WDR7: variants seen among roughly 807,000 people sequenced by gnomAD.
WDR7 encodes WD repeat domain 7.
A neutral mutation model predicts 169.4 loss-of-function variants in WDR7; 46 were observed. The observed-to-expected ratio is 0.27, with a 90% CI of 0.21 to 0.35. The LOEUF is 0.35. WDR7 is among the 10% of genes least tolerant of loss of function. The pLI, the probability that WDR7 is intolerant of heterozygous loss-of-function variation, is 1.00. For missense variants in WDR7, 1,534 were observed against 1,859.3 expected, an observed-to-expected ratio of 0.83 and a Z score of 3.22; for synonymous variants, 612 against 666.8, an observed-to-expected ratio of 0.92 and a Z score of 1.27.
chr18:56,998,291 A>T (rs1358330826), intron 26 of WDR7, among the ~76,000 whole-genome samples: 1 of 152,150 alleles, frequency 6.6e-6, no homozygotes. Flanking sequence ...CAGGATTTTC[A>T]CTGGGCATCA....
At chr18:57,010,908 A>G (rs1038096345) in intron 26 of WDR7, among the ~76,000 whole-genome samples, 11 of 152,122 alleles carry the variant, frequency 7.2e-5, no homozygotes, top group Non-Finnish European at 5.9e-5. Context: ...ATCAGTACCT[A>G]TTTTTTAGAG....
chr18:56,848,896 T>C (rs1192468841), intron 20 of WDR7, among the ~76,000 whole-genome samples: 3 of 152,182 alleles, frequency 2.0e-5, no homozygotes, highest in Admixed American at 6.5e-5. Flanking sequence ...TAAATCTCTT[T>C]TCTTCATAAA....
At chr18:56,851,031 T>G (rs1330743656) in intron 20 of WDR7, among the ~76,000 whole-genome samples, 2 of 152,168 alleles carry the variant, frequency 1.3e-5, no homozygotes, top group Admixed American at 1.3e-4. Context: ...GTTTAACCAC[T>G]TCAGGGTTCT....
At chr18:56,815,050 G>A (rs74555553) in intron 19 of WDR7, among the ~76,000 whole-genome samples, 3,105 of 152,182 alleles carry the variant, frequency 0.02, 87 homozygotes, top group East Asian at 0.12. Context: ...TTGGTTAACC[G>A]GAGGTAGCAA....
At chr18:56,978,817 T>A (rs2047602418) in intron 26 of WDR7, among the ~76,000 whole-genome samples, 1 of 152,202 alleles carries the variant, frequency 6.6e-6, no homozygotes, top group Non-Finnish European at 1.5e-5. Context: ...CACAGGTATC[T>A]ACGTTTCTAT....
At chr18:56,741,351 T>G (rs982163190) in intron 14 of WDR7, among the ~76,000 whole-genome samples, 4 of 152,118 alleles carry the variant, frequency 2.6e-5, no homozygotes, top group African/African-American at 9.7e-5. Context: ...AAAATAATCT[T>G]TTGTCATTTT....
intron 12 of WDR7, among the ~76,000 whole-genome samples, chr18:56,705,940 G>A (rs1014723376): frequency 2.0e-5 from 3 of 152,242 alleles, no homozygotes; most frequent in African/African-American, 7.2e-5. Context: ...GGAGGTTGCA[G>A]TGAGCTGAGA....
intron 21 of WDR7, among the ~76,000 whole-genome samples, chr18:56,902,318 GTCAA>G (rs1257511779): frequency 2.0e-5 from 3 of 152,126 alleles, no homozygotes; most frequent in African/African-American, 7.2e-5. Flanking sequence ...CCTATCTTTT[GTCAA>G]TCAAGTTAAT....
rs78689708 is a variant in WDR7, at chr18:56,977,907, A to G, written c.4164+15378A>G. Among the ~76,000 whole-genome samples the G allele has an allele frequency of 7.4e-3, 1,128 of 152,302 alleles. 10 individuals carry two copies. The highest frequency in any genetic ancestry group is 0.014 in the Middle Eastern group (4 of 294). Reference sequence around the variant, plus strand: ...ATGGCATTGTTACTGTGTTGCTGTAATTTATGTAAATGCGTTGTCAGAGAT... The same window carrying G: ...ATGGCATTGTTACTGTGTTGCTGTAGTTTATGTAAATGCGTTGTCAGAGAT... On this transcript the variant is annotated intron_variant, in intron 26 of 27. Coordinates refer to ENST00000254442, the MANE Select transcript of WDR7 (RefSeq NM_015285.3).
chr18:56,894,215 G>A (rs544417360), intron 21 of WDR7, among the ~76,000 whole-genome samples: 7 of 152,036 alleles, frequency 4.6e-5, no homozygotes, highest in East Asian at 1.9e-4. Context: ...CTGCCTCACC[G>A]TTTTTCCCTT....
intron 20 of WDR7, among the ~76,000 whole-genome samples, chr18:56,868,823 A>C (rs768906209): frequency 6.6e-6 from 1 of 152,156 alleles, no homozygotes; most frequent in Non-Finnish European, 1.5e-5. Flanking sequence ...TTGAAAGGTC[A>C]ATTGAAGCAA....
chr18:57,020,885 C>G (rs1396297054), intron 27 of WDR7, 36 bp downstream of exon 27: 5 of 1,578,202 alleles, frequency 3.2e-6, no homozygotes, highest in Non-Finnish European at 4.4e-6. Flanking sequence ...AAAGCATATA[C>G]TGCGTGATAT....
At chr18:57,004,859 A>T (rs1320692852) in intron 26 of WDR7, among the ~76,000 whole-genome samples, 2 of 152,190 alleles carry the variant, frequency 1.3e-5, no homozygotes, top group Non-Finnish European at 2.9e-5. Context: ...TGGAACAGGA[A>T]GTATGAGTCA....
intron 26 of WDR7, among the ~76,000 whole-genome samples, chr18:57,004,715 A>G (rs2074177562): frequency 6.6e-6 from 1 of 152,198 alleles, no homozygotes; most frequent in South Asian, 2.1e-4. Flanking sequence ...GATTTCTTGT[A>G]TTTAAAGTTA....
At chr18:56,761,311 A>G (rs770923033) in intron 16 of WDR7, among the ~76,000 whole-genome samples, 9 of 152,212 alleles carry the variant, frequency 5.9e-5, no homozygotes, top group Non-Finnish European at 7.3e-5. Flanking sequence ...CATCTGGCCA[A>G]TAAAATTTCT....
At chr18:56,710,483 A>C (rs1159013757) in intron 12 of WDR7, among the ~76,000 whole-genome samples, 1 of 152,202 alleles carries the variant, frequency 6.6e-6, no homozygotes, top group Non-Finnish European at 1.5e-5. Flanking sequence ...TTGTGTGAGC[A>C]TACCATATTT....
chr18:57,032,821 A>ATATATATATATG (rs1423806300), downstream of WDR7: 1 of 95,006 alleles, frequency 1.1e-5, no homozygotes, highest in African/African-American at 6.8e-5. Context: ...ATATATATAT[A>ATATATATATATG]TATATATATA....
chr18:56,985,942 G>A (rs973332609), intron 26 of WDR7, among the ~76,000 whole-genome samples: 2 of 152,016 alleles, frequency 1.3e-5, no homozygotes, highest in African/African-American at 4.8e-5. Flanking sequence ...TCAAAAAGGG[G>A]CAATTACTCT....
chr18:56,857,758 A>C (rs2145396553), intron 20 of WDR7, among the ~76,000 whole-genome samples: 1 of 152,288 alleles, frequency 6.6e-6, no homozygotes, highest in African/African-American at 2.4e-5. Flanking sequence ...AATTACAAAA[A>C]AGCCTGTGAA....
Sources: allele counts gnomAD v4.1 joint callset (sites outside exome capture counted in the v4.1 genomes callset), GRCh38; gene constraint gnomAD v4.1.1; transcripts MANE v1.5; gene names NCBI Gene and HGNC (gene_info 2026-07-23, HGNC 2026-07-21).